The following GCFC2 variants were observed in gnomAD, a reference collection of about 807,000 sequenced individuals.
The protein encoded by GCFC2 is GC-rich sequence DNA-binding factor 2.
Under a neutral mutation model 99.4 loss-of-function variants are expected in GCFC2, and 102 were observed. That is an observed-to-expected ratio of 1.03 (90% CI 0.87 to 1.21). The LOEUF (loss-of-function observed/expected upper bound fraction) is 1.21, where lower values mean the gene tolerates loss of function less well. GCFC2 is among the 50% of genes most tolerant of loss of function. The pLI is 0.00. For synonymous variants in GCFC2, 338 were observed against 316.8 expected (o/e 1.07, Z -0.71); for missense variants, 973 against 920.9 (o/e 1.06, Z -0.73).
intron 10 of GCFC2, among the ~76,000 whole-genome samples, chr2:75,688,189 T>A (rs1679903703): frequency 6.6e-6 from 1 of 152,172 alleles, no homozygotes; most frequent in Non-Finnish European, 1.5e-5. Context: ...GAAGCTGCAT[T>A]TCATGCATTC....
intron 16 of GCFC2, 34 bp downstream of exon 16, chr2:75,665,895 C>T (rs1678817002): frequency 7.0e-7 from 1 of 1,425,172 alleles, no homozygotes; most frequent in Admixed American, 1.9e-5. Flanking sequence ...TCCATGAACT[C>T]TCTTTATAGA....
chr2:75,666,039 T>C lies in GCFC2; in HGVS notation c.2118A>G (p.Leu706=). Residue 706 remains leucine (L), a synonymous_variant, in exon 16 of 17, where the codon CTA becomes CTG. Coordinates refer to ENST00000321027, the MANE Select transcript of GCFC2 (RefSeq NM_003203.5). ...VKKCNQVAAC[L]PEKWFENSAM... The stretch of plus-strand genomic sequence containing the variant: ...CAGAATTTTCAAACCATTTTTCTGG[T>C]AGACATGCTGCTACCTGTTAATCAA... 6.2e-7 allele frequency: 1 copy of C among 1,605,836 alleles called. No individual in the cohort carries two copies. Among genetic ancestry groups the C allele is most frequent in the Non-Finnish European group, 8.5e-7 (1 of 1,175,876 alleles).
rs1442170989 is a variant in GCFC2, at chr2:75,680,268, T to C, written c.1737A>G (p.Thr579=). 1 of 1,607,614 alleles carries C rather than the reference T, an allele frequency of 6.2e-7. No individual in the cohort carries two copies. The highest frequency in any genetic ancestry group is 2.2e-5 in the East Asian group (1 of 44,758). ...LWDPLSTSQT[T]SLITHCRVIL... ...TCACTCTGCAATGTGTTATTAAACT[T>C]GTTGTCTGTGAGGTTGACAAAGGAT... The change falls in exon 12 of 17, where the codon ACA becomes ACG. Residue 579 remains threonine, a synonymous_variant. Transcript: ENST00000321027.
intron 7 of GCFC2, among the ~76,000 whole-genome samples, chr2:75,691,173 T>C (rs901014894): frequency 1.3e-5 from 2 of 152,196 alleles, no homozygotes; most frequent in Non-Finnish European, 2.9e-5. Context: ...TTCCTCTATA[T>C]ACACACCTAT....
chr2:75,670,145 C>A lies in GCFC2; in HGVS notation c.2096G>T (p.Cys699Phe). 6.3e-7 allele frequency: 1 copy of A among 1,598,774 alleles called. No individual in the cohort carries two copies. The highest frequency in any genetic ancestry group is 1.1e-5 in the South Asian group (1 of 89,686). ...ATPGPDVVKK[C>F]NQVAACLPEK... The stretch of plus-strand genomic sequence containing the variant: ...TCTTCCTTCACAACTTACCTGGTTG[C>A]ACTTTTTAACCACATCTGGCCCAGG... Residue 699 changes from cysteine (C) to phenylalanine (F), a missense_variant, in exon 15 of 17, where the codon TGC becomes TTC. Cys to Phe is a radical substitution (Grantham distance 205). Transcript: ENST00000321027.
intron 2 of GCFC2, among the ~76,000 whole-genome samples, chr2:75,704,120 GAGGAATC>G (rs1390153506): frequency 6.6e-6 from 1 of 152,170 alleles, no homozygotes; most frequent in African/African-American, 2.4e-5. Flanking sequence ...GCAGACATAG[GAGGAATC>G]AATAATGTCA....
intron 12 of GCFC2, among the ~76,000 whole-genome samples, chr2:75,674,991 T>A (rs1679275908): frequency 6.6e-6 from 1 of 152,230 alleles, no homozygotes; most frequent in South Asian, 2.1e-4. Flanking sequence ...TGTAACTTAC[T>A]GAGTTAGGTG....
intron 10 of GCFC2, 100 bp downstream of exon 10, chr2:75,688,926 C>A (rs1679931730): frequency 1.5e-6 from 1 of 668,110 alleles, no homozygotes; most frequent in South Asian, 2.0e-5. Flanking sequence ...AATTTCAGCT[C>A]CGACTCTAAG....
intron 15 of GCFC2, 91 bp downstream of exon 15, chr2:75,670,047 A>G (rs1248441604): frequency 7.3e-6 from 6 of 822,530 alleles, no homozygotes; most frequent in Non-Finnish European, 9.7e-6. Context: ...TATGAGTACC[A>G]CACATTTAAT....
chr2:75,689,113 G>A lies in GCFC2; in HGVS notation c.1452C>T (p.Ser484=), dbSNP rs765164889. 6.3e-6 allele frequency: 10 copies of A among 1,594,438 alleles called. No individual in the cohort carries two copies. In the African/African-American group the frequency reaches 1.3e-4, roughly 21 times the overall value. Residue 484 remains serine (S), a synonymous_variant, in exon 10 of 17, where the codon TCC becomes TCT. Coordinates refer to ENST00000321027, the MANE Select transcript of GCFC2 (RefSeq NM_003203.5). ...FQQWREKFPD[S]YYEAFISLCI... ...ATAAACTAATGAAAGCTTCATAATA[G>A]GAGTCAGGAAACTTTTCTCGCCATT...
At chr2:75,667,230 C>T (rs907474655) in intron 15 of GCFC2, among the ~76,000 whole-genome samples, 13 of 152,094 alleles carry the variant, frequency 8.5e-5, no homozygotes, top group Non-Finnish European at 1.8e-4. Context: ...CTTTCATTAA[C>T]GTTATAGTAA....
At chr2:75,681,600 T>G (rs1679582746) in intron 11 of GCFC2, among the ~76,000 whole-genome samples, 1 of 151,652 alleles carries the variant, frequency 6.6e-6, no homozygotes, top group Non-Finnish European at 1.5e-5. Context: ...ACAGAACCAT[T>G]CACCACCCTG....
chr2:75,676,550 A>G (rs1045117258), intron 12 of GCFC2, among the ~76,000 whole-genome samples: 2 of 152,110 alleles, frequency 1.3e-5, no homozygotes, highest in Non-Finnish European at 2.9e-5. Flanking sequence ...ATTAAATGCA[A>G]TATTCCCAGG....
rs1295192222 is a variant in GCFC2, at chr2:75,710,626, G to A, written c.230C>T (p.Ala77Val). Residue 77 changes from alanine to valine, a missense_variant, in exon 1 of 17, where the codon GCC (alanine) becomes GTC (valine). Ala to Val is a moderately conservative substitution (Grantham distance 64, BLOSUM62 0). Transcript: ENST00000321027. ...RGRVWASSRR[A>V]TKAAPRADEG... The stretch of plus-strand genomic sequence containing the variant: ...GTCCGCGCGGGGAGCCGCTTTGGTG[G>A]CACGCCGGGAGCTCGCCCAGACCCG... 3 of 1,515,470 alleles carry A rather than the reference G, an allele frequency of 2.0e-6. No homozygotes were observed. Among genetic ancestry groups the A allele is most frequent in the Middle Eastern group, 2.3e-4 (1 of 4,302 alleles). The allele number at this position is 1,515,470 out of a possible 1,614,324, so 93.9% of individuals were successfully genotyped here. A position where few individuals can be genotyped will look rare whatever the true frequency, so the allele number is the denominator to read the frequency against.
intron 12 of GCFC2, among the ~76,000 whole-genome samples, chr2:75,679,139 T>C (rs142615436): frequency 6.6e-6 from 1 of 152,250 alleles, no homozygotes; most frequent in Non-Finnish European, 1.5e-5. Flanking sequence ...AGTTACAGTT[T>C]ATGTGCATCT....
At chr2:75,688,900 T>C in intron 10 of GCFC2, 126 bp downstream of exon 10, 1 of 589,770 alleles carries the variant, frequency 1.7e-6, no homozygotes, top group East Asian at 3.1e-5. Context: ...TTTCTGACTA[T>C]TGTTCCAAAG....
At chr2:75,670,424 A>C (rs1457924037) in intron 14 of GCFC2, 140 bp from the exon 15 acceptor site, 3 of 542,526 alleles carry the variant, frequency 5.5e-6, no homozygotes, top group African/African-American at 1.9e-5. Context: ...AGAATACAAT[A>C]TCTCTGAATA....
chr2:75,690,872 T>C (rs2104344664), intron 7 of GCFC2, 153 bp from the exon 8 acceptor site: 1 of 542,126 alleles, frequency 1.8e-6, no homozygotes, highest in Admixed American at 3.7e-5. Flanking sequence ...TGCAATGACA[T>C]TTCAATGTTA....
At chr2:75,689,260 G>A in intron 9 of GCFC2, 35 bp from the exon 10 acceptor site, 5 of 1,198,758 alleles carry the variant, frequency 4.2e-6, no homozygotes, top group East Asian at 2.4e-5. Flanking sequence ...TGCATTTTAA[G>A]TTGTGAACTT....
Sources: gnomAD v4.1 joint callset for allele counts (sites outside exome capture counted in the v4.1 genomes callset) on GRCh38, gnomAD v4.1.1 for gene constraint, MANE v1.5 for transcripts, NCBI Gene and HGNC (gene_info 2026-07-23, HGNC 2026-07-21) for gene names.